The following GRHL3 variants were observed in gnomAD, a reference collection of about 807,000 sequenced individuals.
GRHL3 encodes grainyhead-like protein 3 homolog.
Under a neutral mutation model 70.3 loss-of-function variants are expected in GRHL3, and 20 were observed. That is an observed-to-expected ratio of 0.28 (90% confidence interval 0.20 to 0.41). The LOEUF is 0.41. Among genes scored for constraint, GRHL3 ranks in the 10% least tolerant of loss-of-function variants. The probability of loss-of-function intolerance (pLI) is 1.00; values close to 1 mark genes in which losing one functional copy is unlikely to be tolerated. For synonymous variants in GRHL3, 299 were observed against 299.9 expected (o/e 1.00, Z 0.03); for missense variants, 637 against 762.3 (o/e 0.84, Z 1.94).
chr1:24,346,546 C>T lies in GRHL3; in HGVS notation c.1455-7C>T. 1 of 1,607,202 alleles carries T rather than the reference C, an allele frequency of 6.2e-7. No homozygotes were observed. Among genetic ancestry groups the T allele is most frequent in the Non-Finnish European group, 8.5e-7 (1 of 1,174,538 alleles). On this transcript the variant is annotated splice_polypyrimidine_tract_variant and splice_region_variant and intron_variant, in intron 12 of 15. Transcript: ENST00000361548. The stretch of plus-strand genomic sequence containing the variant: ...TCTCACAAGCTCCCCCACTGCCATC[C>T]CCACAGGCTGCCTCTGAAGCGTACC...
Position 24,342,164 on chromosome 1 carries a change from G to C in GRHL3, c.1097G>C (p.Gly366Ala). 1 of 1,612,322 alleles carries C rather than the reference G, an allele frequency of 6.2e-7. No homozygotes were observed. Among genetic ancestry groups the C allele is most frequent in the Non-Finnish European group, 8.5e-7 (1 of 1,179,026 alleles). ...CLSTDFSSQKGVKGVPLNLQI... is the reference protein window; with the variant it reads ...CLSTDFSSQKAVKGVPLNLQI... ...AGCACAGACTTTTCCTCACAAAAGGGGGTGAAGGGTGTCCCCCTGAACCTG... is the reference window on the plus strand; with the variant it reads ...AGCACAGACTTTTCCTCACAAAAGGCGGTGAAGGGTGTCCCCCTGAACCTG... Residue 366 changes from glycine (G) to alanine (A), a missense_variant, in exon 9 of 16, where the codon GGG becomes GCG. Gly to Ala is a moderately conservative substitution (Grantham distance 60). Coordinates refer to ENST00000361548, the MANE Select transcript of GRHL3 (RefSeq NM_198173.3). This position sits in a 1 kb window ranked among gnomAD's most constrained non-coding sequence, Gnocchi z 4.8.
chr1:24,331,289 G>A (rs1639594308), intron 1 of GRHL3, 137 bp from the exon 2 acceptor site: 1 of 751,608 alleles, frequency 1.3e-6, no homozygotes, highest in Non-Finnish European at 2.2e-6. Flanking sequence ...GCCCCACACT[G>A]CCTAATGGTG....
chr1:24,328,202 C>T (rs776778680), intron 1 of GRHL3, among the ~76,000 whole-genome samples: 22 of 152,228 alleles, frequency 1.4e-4, no homozygotes, highest in Admixed American at 1.2e-3. Context: ...GAATGCTTTA[C>T]TGTGTAGTCC....
Position 24,350,131 on chromosome 1 carries a change from C to T in GRHL3, c.1694+9C>T. The T allele has an allele frequency of 1.2e-6, 2 of 1,608,446 alleles. No individual in the cohort carries two copies. The highest frequency in any genetic ancestry group is 1.7e-6 in the Non-Finnish European group (2 of 1,175,360). ...AAGAAATGCAAGCGAGGGTGAGTGCCTAGTTCACCCTCCCCCAGCTGGTTG... is the reference window on the plus strand; with the variant it reads ...AAGAAATGCAAGCGAGGGTGAGTGCTTAGTTCACCCTCCCCCAGCTGGTTG... On this transcript the variant is annotated intron_variant, in intron 15 of 15. Coordinates refer to ENST00000361548, the MANE Select transcript of GRHL3 (RefSeq NM_198173.3).
At chr1:24,358,637 G>A (rs1308568068), downstream of GRHL3, 3 of 1,598,676 alleles carry the variant, frequency 1.9e-6, no homozygotes, top group African/African-American at 4.0e-5. Flanking sequence ...GGGACAGAGA[G>A]GCGGAGGCAT....
chr1:24,342,404 C>A lies in GRHL3; in HGVS notation c.1206+131C>A. The A allele has an allele frequency of 4.1e-6, 3 of 740,536 alleles. No individual in the cohort carries two copies. Among genetic ancestry groups the A allele is most frequent in the Non-Finnish European group, 2.2e-6 (1 of 453,380 alleles). 45.9% of individuals were successfully genotyped at this position (740,536 alleles called of 1,614,324 possible). A position where few individuals can be genotyped will look rare whatever the true frequency, so the allele number is the denominator to read the frequency against. ...TTTTCTATCCCTTCTCCTCCTTCCC[C>A]TCTCCTCCTCCACCCCCACTCCTCC... On this transcript the variant is annotated intron_variant, in intron 9 of 15. Coordinates refer to ENST00000361548, the MANE Select transcript of GRHL3 (RefSeq NM_198173.3). The surrounding 1 kb of genome is among the most constrained non-coding windows in gnomAD (Gnocchi z 4.8).
intron 11 of GRHL3, 32 bp downstream of exon 11, chr1:24,343,057 C>A (rs1394029510): frequency 6.2e-7 from 1 of 1,613,388 alleles, no homozygotes; most frequent in East Asian, 2.2e-5. Flanking sequence ...CGGGAAGGAG[C>A]CGAGAGAGGG....
At chr1:24,319,748 G>A (rs1639109087) in intron 1 of GRHL3, 180 bp downstream of exon 1, 1 of 1,516,424 alleles carries the variant, frequency 6.6e-7, no homozygotes, top group African/African-American at 1.4e-5. Context: ...CAAGCTAGAG[G>A]TGAGTGTTTC....
intron 11 of GRHL3, 25 bp downstream of exon 11, chr1:24,343,050 G>A: frequency 6.2e-7 from 1 of 1,613,782 alleles, no homozygotes; most frequent in Non-Finnish European, 8.5e-7. Flanking sequence ...GGGGTCTCGG[G>A]AAGGAGCCGA....
chr1:24,324,191 T>C (rs540865898), intron 1 of GRHL3, among the ~76,000 whole-genome samples: 1 of 152,032 alleles, frequency 6.6e-6, no homozygotes, highest in East Asian at 1.9e-4. Context: ...GAAAGAAAAA[T>C]TCCCATACAG....
At chr1:24,359,462 G>A (rs1217396645), downstream of GRHL3, among the ~76,000 whole-genome samples, 2 of 152,216 alleles carry the variant, frequency 1.3e-5, no homozygotes, top group East Asian at 3.9e-4. This position sits in a 1 kb window ranked among gnomAD's most constrained non-coding sequence, Gnocchi z 5.3. Context: ...GACTAGATGA[G>A]CCCCAGATCA....
Position 24,321,290 on chromosome 1 carries a change from G to C in GRHL3, c.17+1722G>C, listed in dbSNP as rs1341825092. On this transcript the variant is annotated intron_variant, in intron 1 of 15. Coordinates refer to ENST00000361548, the MANE Select transcript of GRHL3 (RefSeq NM_198173.3). The surrounding 1 kb of genome is among the most constrained non-coding windows in gnomAD (Gnocchi z 4.0). ...GTTGAGGCTTCTCAGTTTGGGGTGGGGTGAGGGAAGCCAGTTGCCTGCTGA... is the reference window on the plus strand; with the variant it reads ...GTTGAGGCTTCTCAGTTTGGGGTGGCGTGAGGGAAGCCAGTTGCCTGCTGA... Among the ~76,000 whole-genome samples, 1 of 152,200 alleles carries C rather than the reference G, an allele frequency of 6.6e-6. No homozygotes were observed. Among genetic ancestry groups the C allele is most frequent in the East Asian group, 1.9e-4 (1 of 5,198 alleles).
chr1:24,330,319 C>G (rs1435006617), intron 1 of GRHL3, among the ~76,000 whole-genome samples: 1 of 152,204 alleles, frequency 6.6e-6, no homozygotes, highest in East Asian at 1.9e-4. Flanking sequence ...TTTTAACAAG[C>G]CTTCCAAGTC....
downstream of GRHL3, among the ~76,000 whole-genome samples, chr1:24,360,098 G>A (rs960222807): frequency 6.6e-6 from 1 of 152,172 alleles, no homozygotes; most frequent in African/African-American, 2.4e-5. Flanking sequence ...GGCTTCCTCA[G>A]CTGTAAAATA....
Position 24,334,591 on chromosome 1 carries a change from C to G in GRHL3, c.205-54C>G. ...CCAAAGCTGCAGGAGGGGATTGAGGCTCCTACCAGCAGAAGCTTAGCCATG... is the reference window on the plus strand; with the variant it reads ...CCAAAGCTGCAGGAGGGGATTGAGGGTCCTACCAGCAGAAGCTTAGCCATG... On this transcript the variant is annotated intron_variant, in intron 2 of 15. Coordinates refer to ENST00000361548, the MANE Select transcript of GRHL3 (RefSeq NM_198173.3). The surrounding 1 kb of genome is among the most constrained non-coding windows in gnomAD (Gnocchi z 4.3). The G allele has an allele frequency of 6.8e-7, 1 of 1,463,882 alleles. No individual in the cohort carries two copies. The highest frequency in any genetic ancestry group is 9.5e-7 in the Non-Finnish European group (1 of 1,049,054). 90.7% of individuals were successfully genotyped at this position (1,463,882 alleles called of 1,614,324 possible).
rs562562654 is a variant in GRHL3 at position 24,324,413 on chromosome 1, C to T, written c.17+4845C>T. The stretch of plus-strand genomic sequence containing the variant: ...TTCTGCCAGCTAGGAAGAGATATCC[C>T]GATTCATAGGCTGGAAAAGGCTGTG... On this transcript the variant is annotated intron_variant, in intron 1 of 15. Transcript: ENST00000361548. Among the ~76,000 whole-genome samples the T allele has an allele frequency of 6.6e-5, 10 of 152,232 alleles. No individual in the cohort carries two copies. In the South Asian group the frequency reaches 1.7e-3, roughly 25 times the overall value.
chr1:24,323,121 G>A, intron 1 of GRHL3: 1 of 1,506,990 alleles, frequency 6.6e-7, no homozygotes, highest in Non-Finnish European at 9.0e-7. Flanking sequence ...TTTTTCTGTA[G>A]GTTCTACATG....
rs1640099200 is a variant in GRHL3, at chr1:24,342,844, A to T, written c.1286-48A>T. On this transcript the variant is annotated intron_variant, in intron 10 of 15. Transcript: ENST00000361548. This position sits in a 1 kb window ranked among gnomAD's most constrained non-coding sequence, Gnocchi z 4.8. ...GAGAAGGAGACCAGAGGTGGGAGGG[A>T]CTTGAGTGGAGGGACCTCGGGGCAC... The T allele has an allele frequency of 1.2e-6, 2 of 1,613,826 alleles. No individual in the cohort carries two copies. Among genetic ancestry groups the T allele is most frequent in the Non-Finnish European group, 1.7e-6 (2 of 1,179,918 alleles).
At chr1:24,344,548 C>T (rs1000641147) in intron 11 of GRHL3, among the ~76,000 whole-genome samples, 12 of 150,992 alleles carry the variant, frequency 7.9e-5, no homozygotes, top group Admixed American at 7.9e-4. Flanking sequence ...GCCCTCAGCT[C>T]CAACTGCCTA....
Sources: gnomAD v4.1 joint callset for allele counts (sites outside exome capture counted in the v4.1 genomes callset) on GRCh38, gnomAD v4.1.1 for gene constraint, Gnocchi (gnomAD v3.1) non-coding constraint, MANE v1.5 for transcripts, NCBI Gene and HGNC (gene_info 2026-07-23, HGNC 2026-07-21) for gene names.